ZFAT: variants seen among roughly 807,000 people sequenced by gnomAD.
The protein encoded by ZFAT is zinc finger and AT-hook domain containing.
ZFAT carries 64 observed loss-of-function variants against 117.7 expected under a neutral mutation model. That is an observed-to-expected ratio of 0.54 (90% CI 0.44 to 0.67). The LOEUF (loss-of-function observed/expected upper bound fraction) is 0.67, where lower values mean the gene tolerates loss of function less well. ZFAT is among the 30% of genes least tolerant of loss of function. The pLI is 0.00. For synonymous variants in ZFAT, 679 were observed against 615.0 expected, an observed-to-expected ratio of 1.10 and a Z score of -1.54; for missense variants, 1,433 against 1,584.5, an observed-to-expected ratio of 0.90 and a Z score of 1.62.
chr8:134,590,149 T>C (rs988283980), intron 8 of ZFAT, 119 bp downstream of exon 8: 2 of 686,598 alleles, frequency 2.9e-6, no homozygotes, highest in African/African-American at 3.6e-5. Flanking sequence ...TTCCCATGAA[T>C]ATATTCACAG....
chr8:134,776,638 A>G, the ZFAT span, among the ~76,000 whole-genome samples: 2 of 152,142 alleles, frequency 1.3e-5, no homozygotes, highest in Admixed American at 1.3e-4. Flanking sequence ...TGCATAGCTG[A>G]TGGGCTTTTG....
chr8:134,535,351 G>A (rs1187428422), intron 11 of ZFAT, among the ~76,000 whole-genome samples: 1 of 152,132 alleles, frequency 6.6e-6, no homozygotes, highest in Non-Finnish European at 1.5e-5. Context: ...ACATCTTTCT[G>A]CAAAATCAGT....
At chr8:134,713,124 C>A, upstream of ZFAT, 2 of 380,290 alleles carry the variant, frequency 5.3e-6, no homozygotes, top group South Asian at 1.5e-4. Context: ...CGCGGCCCGG[C>A]AGGGCCGAGC....
the ZFAT span, among the ~76,000 whole-genome samples, chr8:134,830,783 G>T: frequency 6.6e-6 from 1 of 152,146 alleles, no homozygotes; most frequent in South Asian, 2.1e-4. Context: ...CATTATATCG[G>T]TAATTTCCAG....
chr8:134,564,641 T>G (rs1421578995), intron 11 of ZFAT, among the ~76,000 whole-genome samples: 1 of 152,250 alleles, frequency 6.6e-6, no homozygotes, highest in Non-Finnish European at 1.5e-5. Flanking sequence ...CAAATCTTGA[T>G]GATTCCTTTC....
the ZFAT span, among the ~76,000 whole-genome samples, chr8:134,718,582 T>G: frequency 6.6e-6 from 1 of 151,934 alleles, no homozygotes; most frequent in Non-Finnish European, 1.5e-5. Flanking sequence ...AACAGGGCCA[T>G]GAAAAAAGGG....
At chr8:134,770,764 A>G in the ZFAT span, among the ~76,000 whole-genome samples, 1 of 152,250 alleles carries the variant, frequency 6.6e-6, no homozygotes, top group African/African-American at 2.4e-5. Context: ...AGCGTGGAAC[A>G]TCCCTGAGAA....
chr8:134,665,451 C>T (rs574862294), intron 1 of ZFAT, among the ~76,000 whole-genome samples: 1 of 152,354 alleles, frequency 6.6e-6, no homozygotes, highest in South Asian at 2.1e-4. Context: ...TGTCCTCCTC[C>T]TGCTGCTGCT....
chr8:134,601,554 A>G lies in ZFAT; in HGVS notation c.2165T>C (p.Leu722Ser). 6.2e-7 allele frequency: 1 copy of G among 1,614,206 alleles called. No homozygotes were observed. The highest frequency in any genetic ancestry group is 8.5e-7 in the Non-Finnish European group (1 of 1,180,034). Residue 722 changes from leucine (L) to serine (S), a missense_variant, in exon 6 of 16, where the codon TTA (leucine) becomes TCA (serine). Leu to Ser is a moderately radical substitution (Grantham distance 145). Around this residue, in one of 5 missense-constraint regions of ZFAT, gnomAD observed 372 missense variants for 355.6 expected, o/e 1.05. Transcript: ENST00000377838. ...GCTGGTGTTCATTTGCTTCTTCTGT[A>G]AACTGTTCAGGACCTTCATGAAAGC... ...ITAFMKVLNS[L>S]QKKQMNTSLC...
At chr8:134,510,598 G>A in intron 14 of ZFAT, 1 of 162,664 alleles carries the variant, frequency 6.1e-6, no homozygotes, top group Admixed American at 6.0e-5. Flanking sequence ...TATTCACAAT[G>A]CATCGCCGGC....
intron 2 of ZFAT, among the ~76,000 whole-genome samples, chr8:134,648,441 A>C (rs1563724369): frequency 6.6e-6 from 1 of 152,104 alleles, no homozygotes; most frequent in Non-Finnish European, 1.5e-5. Flanking sequence ...AAAAATAGCA[A>C]GACCTAATTT....
the ZFAT span, among the ~76,000 whole-genome samples, chr8:134,742,697 C>G: frequency 6.6e-5 from 10 of 152,350 alleles, no homozygotes; most frequent in East Asian, 1.9e-3. Flanking sequence ...GCTCTGGCCC[C>G]CTGTGCTCCC....
At chr8:134,608,431 A>T (rs1586807904) in intron 5 of ZFAT, among the ~76,000 whole-genome samples, 1 of 152,178 alleles carries the variant, frequency 6.6e-6, no homozygotes, top group African/African-American at 2.4e-5. Context: ...CTATGTTTCT[A>T]TTTCTTTTTA....
At chr8:134,485,668 T>C (rs182239156) in intron 15 of ZFAT, among the ~76,000 whole-genome samples, 338 of 152,278 alleles carry the variant, frequency 2.2e-3, no homozygotes, top group Non-Finnish European at 3.4e-3. Context: ...AACATAGGTC[T>C]TTCTGTGTCA....
chr8:134,680,199 T>C (rs1211281160), intron 1 of ZFAT, among the ~76,000 whole-genome samples: 27 of 149,430 alleles, frequency 1.8e-4, no homozygotes, highest in African/African-American at 6.4e-4. Context: ...GAGGCAGAGA[T>C]TGCAGTGAGC....
At chr8:134,529,406 G>A (rs1821248138) in intron 12 of ZFAT, among the ~76,000 whole-genome samples, 3 of 152,220 alleles carry the variant, frequency 2.0e-5, no homozygotes. Context: ...AGCAATACAA[G>A]TATTTCTTCC....
chr8:134,585,630 G>C (rs1413569061), intron 9 of ZFAT, among the ~76,000 whole-genome samples: 1 of 152,150 alleles, frequency 6.6e-6, no homozygotes, highest in Non-Finnish European at 1.5e-5. Context: ...TGGAACCCTG[G>C]GGAGTCACCT....
intron 3 of ZFAT, among the ~76,000 whole-genome samples, chr8:134,629,680 A>G (rs1829755904): frequency 6.6e-6 from 1 of 152,150 alleles, no homozygotes; most frequent in Non-Finnish European, 1.5e-5. Context: ...CCACCATATA[A>G]AGACGGTCCT....
At chr8:134,708,573 T>G (rs1813870611) in intron 1 of ZFAT, among the ~76,000 whole-genome samples, 1 of 152,148 alleles carries the variant, frequency 6.6e-6, no homozygotes, top group Admixed American at 6.6e-5. Flanking sequence ...TTTGTGTTCC[T>G]TGAAAAAAAA....
Sources: gnomAD v4.1 joint callset for allele counts (sites outside exome capture counted in the v4.1 genomes callset) on GRCh38, gnomAD v4.1.1 for gene constraint, gnomAD v4.1.1 regional missense constraint, MANE v1.5 for transcripts, NCBI Gene and HGNC (gene_info 2026-07-23, HGNC 2026-07-21) for gene names.